Variants in CPA6 observed in about 807,000 individuals in gnomAD.
CPA6 encodes the protein carboxypeptidase B.
In CPA6, 58 loss-of-function variants were observed where a neutral mutation model predicts 63.3. That is an observed-to-expected ratio of 0.92 (90% CI 0.74 to 1.14). The LOEUF (loss-of-function observed/expected upper bound fraction) is 1.14, where lower values mean the gene tolerates loss of function less well. CPA6 is among the 50% of genes most tolerant of loss of function. The pLI is 0.00. For missense variants in CPA6, 565 were observed against 526.6 expected (o/e 1.07, Z -0.71); for synonymous variants, 185 against 179.0 (o/e 1.03, Z -0.27).
At chr8:67,532,559 G>A (rs1812500239) in intron 2 of CPA6, among the ~76,000 whole-genome samples, 1 of 152,096 alleles carries the variant, frequency 6.6e-6, no homozygotes, top group East Asian at 1.9e-4. Flanking sequence ...GCGAGTATCT[G>A]TAGACCCAGC....
At position 67,511,308 on chromosome 8, in the gene CPA6, G is replaced by A. The variant is rs75468937; in HGVS notation, c.432+233C>T. On this transcript the variant is annotated intron_variant, in intron 4 of 10. Coordinates refer to ENST00000297770, the MANE Select transcript of CPA6 (RefSeq NM_020361.5). ...CCTATGTCCTATGTAAAAGTGGTAT[G>A]GGTAAAGCAAATGAAATTAAAATTA... Among the ~76,000 whole-genome samples, 1,441 of 152,200 alleles carry A rather than the reference G, an allele frequency of 9.5e-3. 23 individuals are homozygous for A. Among genetic ancestry groups the A allele is most frequent in the African/African-American group, 0.033 (1,350 of 41,520 alleles).
intron 2 of CPA6, among the ~76,000 whole-genome samples, chr8:67,555,452 A>G (rs1236663597): frequency 6.6e-6 from 1 of 152,190 alleles, no homozygotes; most frequent in Non-Finnish European, 1.5e-5. Context: ...GGTTGCACCC[A>G]AAGAGGACGG....
intron 4 of CPA6, among the ~76,000 whole-genome samples, chr8:67,510,541 T>C (rs1415814739): frequency 6.6e-6 from 1 of 152,190 alleles, no homozygotes; most frequent in East Asian, 1.9e-4. Flanking sequence ...CTATTGCTTC[T>C]AATTTTAAGC....
At chr8:67,521,830 G>A (rs1402603235) in intron 2 of CPA6, among the ~76,000 whole-genome samples, 1 of 152,162 alleles carries the variant, frequency 6.6e-6, no homozygotes, top group Non-Finnish European at 1.5e-5. Context: ...GAATTCCATG[G>A]GCCCTGGAGT....
intron 1 of CPA6, among the ~76,000 whole-genome samples, chr8:67,691,323 T>C (rs1816809599): frequency 6.6e-6 from 1 of 152,218 alleles, no homozygotes. Context: ...TGGTACACTG[T>C]GGACTGTATT....
chr8:67,484,635 A>G (rs774292386), intron 7 of CPA6, 44 bp downstream of exon 7: 94 of 1,027,960 alleles, frequency 9.1e-5, no homozygotes, highest in Non-Finnish European at 1.2e-4. Flanking sequence ...GTTTTCTATG[A>G]TTTATTTAGT....
Position 67,706,911 on chromosome 8 carries a change from T to C in CPA6, c.116+39103A>G, listed in dbSNP as rs557518993. Among the ~76,000 whole-genome samples, 4 of 152,318 alleles carry C rather than the reference T, an allele frequency of 2.6e-5. No individual in the cohort carries two copies. In the South Asian group the frequency reaches 8.3e-4, roughly 32 times the overall value. ...TTTCTTTGCACTGTATCTGTATAAA[T>C]GTGTTATTGGTATGTGTTCCAAATT... On this transcript the variant is annotated intron_variant, in intron 1 of 10. Coordinates refer to ENST00000297770, the MANE Select transcript of CPA6 (RefSeq NM_020361.5).
chr8:67,708,528 A>G (rs1817188848), intron 1 of CPA6, among the ~76,000 whole-genome samples: 1 of 152,158 alleles, frequency 6.6e-6, no homozygotes, highest in Non-Finnish European at 1.5e-5. Context: ...ACTCCAGATG[A>G]TCCCCAGTAA....
intron 1 of CPA6, among the ~76,000 whole-genome samples, chr8:67,650,411 G>A (rs886345455): frequency 1.3e-5 from 2 of 152,250 alleles, no homozygotes; most frequent in East Asian, 3.9e-4. Context: ...GTTCATTTAA[G>A]CAGGCTTCCC....
At chr8:67,518,189 G>T in intron 2 of CPA6, 142 bp from the exon 3 acceptor site, 1 of 664,204 alleles carries the variant, frequency 1.5e-6, no homozygotes, top group Non-Finnish European at 2.3e-6. Flanking sequence ...CATCATCAGG[G>T]TAAAACTATT....
intron 2 of CPA6, among the ~76,000 whole-genome samples, chr8:67,554,426 G>C (rs1200849851): frequency 6.6e-6 from 1 of 152,152 alleles, no homozygotes; most frequent in Non-Finnish European, 1.5e-5. Flanking sequence ...AGCACCAAGA[G>C]GAAACAGCTA....
At chr8:67,513,461 T>C (rs185222331) in intron 3 of CPA6, among the ~76,000 whole-genome samples, 59 of 152,238 alleles carry the variant, frequency 3.9e-4, no homozygotes, top group Middle Eastern at 6.8e-3. Context: ...CATCTATTAT[T>C]TCTCCTGGCT....
intron 1 of CPA6, among the ~76,000 whole-genome samples, chr8:67,681,224 A>T (rs1198768191): frequency 2.2e-5 from 1 of 45,440 alleles, no homozygotes; most frequent in Non-Finnish European, 3.5e-5. Flanking sequence ...TTTTTTTGAG[A>T]CGGAGTCTCG....
At chr8:67,575,855 A>AG (rs2128977335) in intron 2 of CPA6, among the ~76,000 whole-genome samples, 1 of 152,266 alleles carries the variant, frequency 6.6e-6, no homozygotes, top group East Asian at 1.9e-4. Flanking sequence ...AAAAAAAAAA[A>AG]AAAGGAAGAA....
intron 10 of CPA6, among the ~76,000 whole-genome samples, chr8:67,426,929 C>G (rs759454251): frequency 3.3e-5 from 5 of 152,178 alleles, no homozygotes; most frequent in Non-Finnish European, 5.9e-5. Flanking sequence ...ACAGACCTGG[C>G]AGAATTAGGA....
chr8:67,671,369 A>C (rs1295555678), intron 1 of CPA6, among the ~76,000 whole-genome samples: 1 of 152,168 alleles, frequency 6.6e-6, no homozygotes, highest in Non-Finnish European at 1.5e-5. Flanking sequence ...TCCCCACTGC[A>C]GCCCACTCAG....
intron 1 of CPA6, among the ~76,000 whole-genome samples, chr8:67,730,099 A>C (rs532512849): frequency 2.6e-5 from 4 of 152,340 alleles, no homozygotes; most frequent in Admixed American, 6.5e-5. Flanking sequence ...GACATTAACC[A>C]GAACTGCCCC....
intron 4 of CPA6, among the ~76,000 whole-genome samples, chr8:67,509,927 G>GT (rs1475794048): frequency 6.6e-6 from 1 of 151,958 alleles, no homozygotes; most frequent in Non-Finnish European, 1.5e-5. Flanking sequence ...ATGTGTTCTA[G>GT]TTTTTTTGAA....
intron 1 of CPA6, among the ~76,000 whole-genome samples, chr8:67,644,792 C>T (rs765477681): frequency 6.6e-6 from 1 of 152,150 alleles, no homozygotes; most frequent in African/African-American, 2.4e-5. Flanking sequence ...GGCTTCTTGG[C>T]CCAGCTGTCA....
Sources: gnomAD v4.1 joint callset for allele counts (sites outside exome capture counted in the v4.1 genomes callset) on GRCh38, gnomAD v4.1.1 for gene constraint, MANE v1.5 for transcripts, NCBI Gene and HGNC (gene_info 2026-07-23, HGNC 2026-07-21) for gene names.